RASA2: variants seen among roughly 807,000 people sequenced by gnomAD.
RASA2 encodes ras GTPase-activating protein 2.
Under a neutral mutation model 118.2 loss-of-function variants are expected in RASA2, and 155 were observed. That is an observed-to-expected ratio of 1.31 (90% confidence interval 1.15 to 1.50). The LOEUF (loss-of-function observed/expected upper bound fraction) is 1.50, where lower values mean the gene tolerates loss of function less well. Among genes scored for constraint, RASA2 ranks in the 40% most tolerant of loss-of-function variants. RASA2 has a pLI of 0.00. For missense variants in RASA2, 1,016 were observed against 1,009.6 expected, an observed-to-expected ratio of 1.01 and a Z score of -0.09; for synonymous variants, 353 against 349.1, an observed-to-expected ratio of 1.01 and a Z score of -0.12.
intron 19 of RASA2, among the ~76,000 whole-genome samples, chr3:141,606,326 T>C (rs1271108991): frequency 6.6e-6 from 1 of 152,238 alleles, no homozygotes; most frequent in African/African-American, 2.4e-5. Flanking sequence ...TATTATCTCA[T>C]GCATTTATGA....
At chr3:141,525,469 G>T (rs2082172312) in intron 3 of RASA2, 1 of 151,990 alleles carries the variant, frequency 6.6e-6, no homozygotes, top group Non-Finnish European at 1.5e-5. Flanking sequence ...TTTGAAGTTG[G>T]TAACTTCATA....
rs147711250 is a variant in RASA2, at chr3:141,546,877, T to C, written c.527+6268T>C. On this transcript the variant is annotated intron_variant, in intron 5 of 23. Coordinates refer to ENST00000286364, the MANE Select transcript of RASA2 (RefSeq NM_006506.5). ...CCATTTTTATTTGATTTTTTTAATA[T>C]GGTGAGAGATACGGGTTTAGTTTCA... Among the ~76,000 whole-genome samples, 12 of 152,340 alleles carry C rather than the reference T, an allele frequency of 7.9e-5. No homozygotes were observed. In the East Asian group the frequency reaches 2.1e-3, roughly 27 times the overall value.
At chr3:141,573,914 T>C (rs1421503895) in intron 13 of RASA2, 30 bp from the exon 14 acceptor site, 4 of 1,554,264 alleles carry the variant, frequency 2.6e-6, no homozygotes, top group Non-Finnish European at 3.5e-6. Flanking sequence ...AACATCAAAA[T>C]CTTAATGTTT....
At chr3:141,563,298 G>GT (rs1181276857) in intron 9 of RASA2, among the ~76,000 whole-genome samples, 2 of 152,026 alleles carry the variant, frequency 1.3e-5, no homozygotes, top group Non-Finnish European at 1.5e-5. Context: ...ATATATATGA[G>GT]TTTTTTGTTT....
At chr3:141,555,091 GTC>G (rs920850764) in intron 6 of RASA2, among the ~76,000 whole-genome samples, 1 of 152,020 alleles carries the variant, frequency 6.6e-6, no homozygotes, top group Non-Finnish European at 1.5e-5. Context: ...GAGAAACCCC[GTC>G]TCTACTAAAA....
At chr3:141,520,011 CTTTTTTTTT>C (rs559634060) in intron 3 of RASA2, among the ~76,000 whole-genome samples, 2 of 109,790 alleles carry the variant, frequency 1.8e-5, no homozygotes, top group South Asian at 3.0e-4. Flanking sequence ...TTCTTTTTCT[CTTTTTTTTT>C]TTTTTTTTTT....
In RASA2 at chr3:141,573,150, T is replaced by A. The variant is rs1254976195; in HGVS notation, c.1288T>A (p.Cys430Ser). The A allele has an allele frequency of 6.4e-6, 10 of 1,554,330 alleles. No individual in the cohort carries two copies. The highest frequency in any genetic ancestry group is 1.4e-5 in the African/African-American group (1 of 70,452). Reference protein sequence around the residue: ...VTLKPILDEICDSSKSCEIDP... With the variant: ...VTLKPILDEISDSSKSCEIDP... ...AACTGAAAAATTTATTTTTCAGATA[T>A]GTGACTCCTCAAAATCCTGTGAAAT... Residue 430 changes from cysteine (C) to serine (S), a missense_variant, in exon 13 of 24, where the codon TGT becomes AGT. Cys to Ser is a moderately radical substitution (Grantham distance 112). Coordinates refer to ENST00000286364, the MANE Select transcript of RASA2 (RefSeq NM_006506.5).
chr3:141,502,927 C>T (rs1192708418), intron 1 of RASA2, among the ~76,000 whole-genome samples: 1 of 152,120 alleles, frequency 6.6e-6, no homozygotes, highest in Non-Finnish European at 1.5e-5. Flanking sequence ...AGTTTCTCAG[C>T]ACAGCTGTAT....
At chr3:141,607,829 G>A in intron 20 of RASA2, 69 bp downstream of exon 20, 1 of 1,420,098 alleles carries the variant, frequency 7.0e-7, no homozygotes, top group Non-Finnish European at 9.3e-7. Context: ...TGTATTTCGA[G>A]GTATTTGTTA....
intron 17 of RASA2, among the ~76,000 whole-genome samples, chr3:141,581,647 G>C (rs1164659812): frequency 2.6e-5 from 4 of 152,112 alleles, no homozygotes; most frequent in African/African-American, 4.8e-5. Context: ...CTGGTCTCTG[G>C]GGGTAAAGGC....
intron 19 of RASA2, among the ~76,000 whole-genome samples, chr3:141,587,679 A>C (rs2107778069): frequency 6.8e-6 from 1 of 146,594 alleles, no homozygotes. Flanking sequence ...TTGCCACTGC[A>C]CTGTAGCCTG....
chr3:141,508,577 C>G (rs1163327363), intron 1 of RASA2, among the ~76,000 whole-genome samples: 1 of 152,012 alleles, frequency 6.6e-6, no homozygotes, highest in African/African-American at 2.4e-5. Flanking sequence ...TGAGATCTCA[C>G]CATGTTGCCA....
At chr3:141,572,178 G>T (rs1243743914) in intron 11 of RASA2, among the ~76,000 whole-genome samples, 3 of 151,602 alleles carry the variant, frequency 2.0e-5, no homozygotes, top group African/African-American at 7.3e-5. Flanking sequence ...TGCAGCTTCT[G>T]CCTCCTAGGT....
intron 19 of RASA2, among the ~76,000 whole-genome samples, chr3:141,601,091 G>A (rs2107793532): frequency 6.6e-6 from 1 of 152,186 alleles, no homozygotes; most frequent in African/African-American, 2.4e-5. Flanking sequence ...AAACATGGAG[G>A]GGAAATGAAC....
At chr3:141,581,443 T>A (rs2083112016) in intron 17 of RASA2, among the ~76,000 whole-genome samples, 2 of 152,202 alleles carry the variant, frequency 1.3e-5, no homozygotes, top group African/African-American at 4.8e-5. Context: ...TTTCTCAAAG[T>A]GACACTATTG....
At chr3:141,528,929 C>G (rs191888786) in intron 3 of RASA2, among the ~76,000 whole-genome samples, 1 of 151,972 alleles carries the variant, frequency 6.6e-6, no homozygotes, top group East Asian at 1.9e-4. Flanking sequence ...GTGTAGAATC[C>G]TGGAATAAAT....
chr3:141,596,360 A>G (rs961003542), intron 19 of RASA2, among the ~76,000 whole-genome samples: 1 of 152,230 alleles, frequency 6.6e-6, no homozygotes, highest in Admixed American at 6.5e-5. Flanking sequence ...GATACAGCTA[A>G]AACAGTATGT....
chr3:141,572,061 T>TATATATATAC (rs1250945462), intron 11 of RASA2, among the ~76,000 whole-genome samples: 12 of 98,264 alleles, frequency 1.2e-4, no homozygotes, highest in East Asian at 1.1e-3. Context: ...TATATATATA[T>TATATATATAC]ACACACACAC....
intron 7 of RASA2, among the ~76,000 whole-genome samples, chr3:141,556,407 A>G (rs932761137): frequency 6.6e-6 from 1 of 152,214 alleles, no homozygotes; most frequent in Admixed American, 6.5e-5. Context: ...GAGTTTTTGT[A>G]AGACCCAAAG....
Sources: gnomAD v4.1 joint callset for allele counts (sites outside exome capture counted in the v4.1 genomes callset) on GRCh38, gnomAD v4.1.1 for gene constraint, MANE v1.5 for transcripts, NCBI Gene and HGNC (gene_info 2026-07-23, HGNC 2026-07-21) for gene names.